Variants in ARFIP1 observed in about 807,000 individuals in gnomAD.
ARFIP1 encodes arfaptin-1.
In ARFIP1, 24 loss-of-function variants were observed where a neutral mutation model predicts 42.5. The observed-to-expected ratio is 0.57, with a 90% CI of 0.41 to 0.80. ARFIP1 has a LOEUF of 0.80. ARFIP1 is among the 30% of genes least tolerant of loss of function. ARFIP1 has a pLI of 0.00. For synonymous variants in ARFIP1, 141 were observed against 153.7 expected (o/e 0.92, Z 0.61); for missense variants, 354 against 434.0 (o/e 0.82, Z 1.64).
intron 1 of ARFIP1, among the ~76,000 whole-genome samples, chr4:152,799,559 A>G (rs1933149405): frequency 6.6e-6 from 1 of 152,226 alleles, no homozygotes; most frequent in Admixed American, 6.5e-5. Context: ...TTTGCACAAT[A>G]TGTATTCCTT....
intron 5 of ARFIP1, among the ~76,000 whole-genome samples, chr4:152,873,788 C>T (rs1251575107): frequency 3.3e-5 from 5 of 152,206 alleles, no homozygotes; most frequent in African/African-American, 7.2e-5. Flanking sequence ...CCCTGCCTAA[C>T]GTGGGTTCGC....
intron 1 of ARFIP1, among the ~76,000 whole-genome samples, chr4:152,786,343 A>G (rs908839861): frequency 3.3e-5 from 5 of 152,178 alleles, no homozygotes; most frequent in Non-Finnish European, 7.3e-5. Context: ...TTCCCTCCCT[A>G]CAAAACTGCA....
intron 8 of ARFIP1, among the ~76,000 whole-genome samples, chr4:152,889,316 A>T (rs1262314550): frequency 6.6e-6 from 1 of 151,476 alleles, no homozygotes; most frequent in Non-Finnish European, 1.5e-5. Flanking sequence ...CTAGTCCAGC[A>T]CTTTCACTGA....
intron 8 of ARFIP1, among the ~76,000 whole-genome samples, chr4:152,888,977 A>G (rs1214552594): frequency 6.6e-6 from 1 of 152,128 alleles, no homozygotes; most frequent in Non-Finnish European, 1.5e-5. Context: ...CAGTTCTGGA[A>G]ATGGGAAATG....
intron 3 of ARFIP1, among the ~76,000 whole-genome samples, chr4:152,867,159 G>A (rs1734466535): frequency 1.3e-5 from 2 of 152,092 alleles, no homozygotes; most frequent in African/African-American, 4.8e-5. Flanking sequence ...GGGAGGTGGA[G>A]GTTGTAGCGA....
rs1728756706 is a variant in ARFIP1 at position 152,804,270 on chromosome 4, A to ATATATAATATAACATGTATTATATAT, written c.-10+24050_-10+24051insATATAACATGTATTATATATTATATA. Among the ~76,000 whole-genome samples, 5 of 50,172 alleles carry ATATATAATATAACATGTATTATATAT rather than the reference A, an allele frequency of 1.0e-4. 2 individuals carry two copies. The highest frequency in any genetic ancestry group is 3.1e-4 in the African/African-American group (3 of 9,532). 32.9% of individuals were successfully genotyped at this position (50,172 alleles called of 152,430 possible). On this transcript the variant is annotated intron_variant, in intron 1 of 8. Coordinates refer to ENST00000353617, the MANE Select transcript of ARFIP1 (RefSeq NM_001025595.3). ...TATAATATAACATGTATTATATATT[A>ATATATAATATAACATGTATTATATAT]TATATATAACATAACATGTATTATA...
At position 152,881,003 on chromosome 4, in the gene ARFIP1, C is replaced by T. The variant is rs1735799556; in HGVS notation, c.452C>T (p.Ser151Leu). The T allele has an allele frequency of 1.9e-6, 3 of 1,613,848 alleles. No homozygotes were observed. The highest frequency in any genetic ancestry group is 1.7e-6 in the Non-Finnish European group (2 of 1,179,856). Residue 151 changes from serine to leucine, a missense_variant, in exon 6 of 9, where the codon TCA (serine) becomes TTA (leucine). Coordinates refer to ENST00000353617, the MANE Select transcript of ARFIP1 (RefSeq NM_001025595.3). ...QIISEKLGRGSRTVDLELEAQ... is the reference protein window; with the variant it reads ...QIISEKLGRGLRTVDLELEAQ... ...ATCTCTGAGAAGCTAGGCCGTGGCT[C>T]AAGAACTGTGGACCTTGAACTTGAA...
chr4:152,905,542 A>ATTT (rs1391678382), intron 8 of ARFIP1, among the ~76,000 whole-genome samples: 3 of 45,964 alleles, frequency 6.5e-5, no homozygotes, highest in African/African-American at 2.6e-4. Context: ...AATTGTAAGA[A>ATTT]TTGTTTTTTT....
chr4:152,781,155 G>A (rs1730462680), intron 1 of ARFIP1, among the ~76,000 whole-genome samples: 1 of 151,998 alleles, frequency 6.6e-6, no homozygotes, highest in Non-Finnish European at 1.5e-5. Flanking sequence ...TAACTTAATT[G>A]GCATAGAAAT....
chr4:152,801,582 C>T (rs1483576224), intron 1 of ARFIP1, among the ~76,000 whole-genome samples: 1 of 152,022 alleles, frequency 6.6e-6, no homozygotes, highest in Admixed American at 6.6e-5. Flanking sequence ...AATTACCTTC[C>T]TACTGAGGCC....
chr4:152,882,710 T>G lies in ARFIP1; in HGVS notation c.634-13T>G, dbSNP rs771491496. Reference sequence around the variant, plus strand: ...TTATTACTGAATAAATTAAGGTGACTTCTTTGTTTTAGGAAGAATTTGGCT... The same window carrying G: ...TTATTACTGAATAAATTAAGGTGACGTCTTTGTTTTAGGAAGAATTTGGCT... On this transcript the variant is annotated splice_polypyrimidine_tract_variant and intron_variant, in intron 6 of 8. Coordinates refer to ENST00000353617, the MANE Select transcript of ARFIP1 (RefSeq NM_001025595.3). The G allele has an allele frequency of 6.2e-7, 1 of 1,610,126 alleles. No individual in the cohort carries two copies. The highest frequency in any genetic ancestry group is 8.5e-7 in the Non-Finnish European group (1 of 1,178,336).
At chr4:152,901,959 C>G (rs1417839033) in intron 8 of ARFIP1, among the ~76,000 whole-genome samples, 1 of 152,154 alleles carries the variant, frequency 6.6e-6, no homozygotes, top group Admixed American at 6.5e-5. Context: ...TCTACACTAC[C>G]ACTTTTCCTT....
chr4:152,878,632 T>A, intron 5 of ARFIP1, among the ~76,000 whole-genome samples: 1 of 152,204 alleles, frequency 6.6e-6, no homozygotes, highest in Non-Finnish European at 1.5e-5. Context: ...TTAATTTGCC[T>A]TATAATCAGT....
chr4:152,880,841 G>A (rs903179950), intron 5 of ARFIP1, 122 bp from the exon 6 acceptor site: 1 of 710,394 alleles, frequency 1.4e-6, no homozygotes, highest in Non-Finnish European at 2.4e-6. Context: ...TAAGGGAGCT[G>A]ACAATTTTCA....
At chr4:152,824,556 T>C (rs1349905808) in intron 1 of ARFIP1, among the ~76,000 whole-genome samples, 45 of 152,076 alleles carry the variant, frequency 3.0e-4, no homozygotes, top group Admixed American at 2.9e-3. Context: ...AATAAAGCCA[T>C]ATGTGACACA....
chr4:152,905,613 C>T lies in ARFIP1; in HGVS notation c.967-4451C>T, dbSNP rs559454477. 4.3e-5 allele frequency among the ~76,000 whole-genome samples: 5 copies of T among 117,248 alleles called. No homozygotes were observed. The South Asian group carries it at 8.9e-4, about 21-fold the overall frequency. 76.9% of individuals were successfully genotyped at this position (117,248 alleles called of 152,430 possible). A position where few individuals can be genotyped will look rare whatever the true frequency, so the allele number is the denominator to read the frequency against. ...TGTTGTCCAGGCTGGAGTGCAGTGG[C>T]GCGATACGGGCTCACCGCAGTCTCC... On this transcript the variant is annotated intron_variant, in intron 8 of 8. Transcript: ENST00000353617.
chr4:152,812,887 T>C (rs549120989), intron 1 of ARFIP1, among the ~76,000 whole-genome samples: 1 of 152,376 alleles, frequency 6.6e-6, no homozygotes, highest in South Asian at 2.1e-4. Flanking sequence ...TTCTGCTTCC[T>C]TAATATCTGT....
At chr4:152,903,501 G>A (rs530182907) in intron 8 of ARFIP1, among the ~76,000 whole-genome samples, 7 of 141,888 alleles carry the variant, frequency 4.9e-5, no homozygotes, top group Non-Finnish European at 1.1e-4. Flanking sequence ...TTTTTCTTTT[G>A]TTTTTACATT....
At chr4:152,878,986 G>C (rs1278012765) in intron 5 of ARFIP1, among the ~76,000 whole-genome samples, 1 of 152,018 alleles carries the variant, frequency 6.6e-6, no homozygotes, top group Non-Finnish European at 1.5e-5. Flanking sequence ...TAAAATTTCT[G>C]GCATTATTTC....
Sources: allele counts gnomAD v4.1 joint callset (sites outside exome capture counted in the v4.1 genomes callset), GRCh38; gene constraint gnomAD v4.1.1; transcripts MANE v1.5; gene names NCBI Gene and HGNC (gene_info 2026-07-23, HGNC 2026-07-21).